ARHGEF28: variants seen among roughly 807,000 people sequenced by gnomAD.
ARHGEF28 encodes the protein Rho guanine nucleotide exchange factor 28.
Under a neutral mutation model 206.6 loss-of-function variants are expected in ARHGEF28, and 152 were observed. The observed-to-expected ratio is 0.74, with a 90% confidence interval of 0.64 to 0.84. ARHGEF28 has a LOEUF of 0.84. Among genes scored for constraint, ARHGEF28 ranks in the 40% least tolerant of loss-of-function variants. ARHGEF28 has a pLI of 0.00. For synonymous variants in ARHGEF28, 763 were observed against 776.4 expected, an observed-to-expected ratio of 0.98 and a Z score of 0.29; for missense variants, 2,028 against 2,073.2, an observed-to-expected ratio of 0.98 and a Z score of 0.42.
intron 1 of ARHGEF28, among the ~76,000 whole-genome samples, chr5:73,671,249 A>C (rs1746283918): frequency 6.6e-6 from 1 of 152,194 alleles, no homozygotes. Context: ...TGTAGCTTAC[A>C]AAAGTAAGAG....
chr5:73,922,978 A>T, intron 35 of ARHGEF28: 1 of 1,035,878 alleles, frequency 9.7e-7, no homozygotes, highest in Non-Finnish European at 1.4e-6. Flanking sequence ...AATGCAAAGT[A>T]CTTTTCATTG....
chr5:73,689,396 G>A (rs1233763222), intron 2 of ARHGEF28, among the ~76,000 whole-genome samples: 1 of 152,092 alleles, frequency 6.6e-6, no homozygotes, highest in East Asian at 1.9e-4. Context: ...AGGCTGGAGT[G>A]CACTGGCATG....
At chr5:73,735,807 A>G (rs1308233939) in intron 2 of ARHGEF28, among the ~76,000 whole-genome samples, 5 of 152,196 alleles carry the variant, frequency 3.3e-5, no homozygotes, top group Non-Finnish European at 7.3e-5. Context: ...CAGGAATCAC[A>G]GCCTGGCGAT....
chr5:73,710,796 G>C (rs572063065), intron 2 of ARHGEF28, among the ~76,000 whole-genome samples: 4 of 152,050 alleles, frequency 2.6e-5, no homozygotes, highest in African/African-American at 9.7e-5. Context: ...TCTGCCTCGC[G>C]GGTTCAAGTG....
chr5:73,731,553 A>G (rs1004581294), intron 2 of ARHGEF28, among the ~76,000 whole-genome samples: 1 of 152,174 alleles, frequency 6.6e-6, no homozygotes, highest in Non-Finnish European at 1.5e-5. Context: ...ACCCATAATT[A>G]CTGTGTGGCC....
rs576163553 is a variant in ARHGEF28 at position 73,694,472 on chromosome 5, A to G, written c.33+9588A>G. 4.6e-5 allele frequency among the ~76,000 whole-genome samples: 7 copies of G among 152,304 alleles called. No homozygotes were observed. In the South Asian group the frequency reaches 1.2e-3, roughly 27 times the overall value. ...GTAGCCGATATTTTTGTTCTGTTTG[A>G]GTTTTTAAAATGTTTTACCATCTAA... On this transcript the variant is annotated intron_variant, in intron 2 of 35. Transcript: ENST00000513042.
At chr5:73,813,469 T>A in intron 9 of ARHGEF28, 1 of 1,466,346 alleles carries the variant, frequency 6.8e-7, no homozygotes. Context: ...AGGAGCTATT[T>A]CATCCAATCT....
At chr5:73,708,268 C>T (rs1442503004) in intron 2 of ARHGEF28, among the ~76,000 whole-genome samples, 1 of 151,614 alleles carries the variant, frequency 6.6e-6, no homozygotes, top group Admixed American at 6.6e-5. Context: ...TTGCATGATG[C>T]TGAAGTTTGG....
At chr5:73,878,123 G>A (rs1281032602) in intron 22 of ARHGEF28, among the ~76,000 whole-genome samples, 3 of 151,906 alleles carry the variant, frequency 2.0e-5, no homozygotes, top group African/African-American at 7.3e-5. Context: ...TTGGGTGCAT[G>A]TATATTTAGG....
At chr5:73,765,361 A>G (rs892419340) in intron 4 of ARHGEF28, among the ~76,000 whole-genome samples, 1 of 152,218 alleles carries the variant, frequency 6.6e-6, no homozygotes, top group Non-Finnish European at 1.5e-5. Flanking sequence ...TTCCTGGGCT[A>G]GGCCATATGC....
chr5:73,834,542 C>CTCTGTGTGTGTGTGTGTGTGTGTGTGTG (rs1455818141), intron 10 of ARHGEF28, among the ~76,000 whole-genome samples: 2 of 146,214 alleles, frequency 1.4e-5, no homozygotes, highest in African/African-American at 5.1e-5. Flanking sequence ...AATAATATTC[C>CTCTGTGTGTGTGTGTGTGTGTGTGTGTG]TGTGTGTGTG....
At chr5:73,683,531 G>A (rs954025310) in intron 1 of ARHGEF28, among the ~76,000 whole-genome samples, 1 of 151,790 alleles carries the variant, frequency 6.6e-6, no homozygotes, top group African/African-American at 2.4e-5. Flanking sequence ...AGCATGTGTT[G>A]GAATTGTATT....
chr5:73,902,464 T>C (rs1006049708), intron 31 of ARHGEF28: 5 of 152,180 alleles, frequency 3.3e-5, no homozygotes, highest in African/African-American at 1.2e-4. Flanking sequence ...AGGTAGATAA[T>C]TGAGGTTAAG....
In ARHGEF28 at chr5:73,780,726, C is replaced by A. The variant is rs780509291; in HGVS notation, c.891C>A (p.Ser297Arg). ...RPEERTAMPS[S>R]GAETEEEIKN... Reference sequence around the variant, plus strand: ...AGGAAAGAACAGCTATGCCCTCCAGCGGTGCAGAAACTGAAGAAGGTACGC... The same window carrying A: ...AGGAAAGAACAGCTATGCCCTCCAGAGGTGCAGAAACTGAAGAAGGTACGC... Residue 297 changes from serine to arginine, a missense_variant, in exon 7 of 36, where the codon AGC becomes AGA. Around this residue, in one of 3 missense-constraint regions of ARHGEF28, gnomAD observed 1,002 missense variants for 1,015.3 expected, o/e 0.99. Coordinates refer to ENST00000513042, the MANE Select transcript of ARHGEF28 (RefSeq NM_001177693.2). 41 of 1,558,784 alleles carry A rather than the reference C, an allele frequency of 2.6e-5. No homozygotes were observed. Among genetic ancestry groups the A allele is most frequent in the Non-Finnish European group, 3.5e-5 (40 of 1,151,122 alleles).
chr5:73,880,201 G>A (rs549176717), intron 22 of ARHGEF28, among the ~76,000 whole-genome samples: 5 of 152,292 alleles, frequency 3.3e-5, no homozygotes, highest in African/African-American at 1.2e-4. Context: ...AGCAATCAGC[G>A]AGACTCCGTG....
intron 34 of ARHGEF28, 126 bp downstream of exon 34, chr5:73,910,023 C>G: frequency 7.5e-7 from 1 of 1,334,832 alleles, no homozygotes; most frequent in Non-Finnish European, 9.6e-7. Context: ...GAGGATTTTT[C>G]AATTTGTAGG....
rs139026742 is a variant in ARHGEF28 at position 73,848,140 on chromosome 5, C to T, written c.1636-836C>T. On this transcript the variant is annotated intron_variant, in intron 12 of 35. Coordinates refer to ENST00000513042, the MANE Select transcript of ARHGEF28 (RefSeq NM_001177693.2). ...TAAAAATGCATGGGCAGGATCAGTCCTAAGGGCTTTATAGGATAGAAGTTG... is the reference window on the plus strand; with the variant it reads ...TAAAAATGCATGGGCAGGATCAGTCTTAAGGGCTTTATAGGATAGAAGTTG... 3.9e-4 allele frequency among the ~76,000 whole-genome samples: 60 copies of T among 152,254 alleles called. No homozygotes were observed. In the East Asian group the frequency reaches 9.6e-3, roughly 24 times the overall value.
chr5:73,939,769 G>C (rs760691063), intron 35 of ARHGEF28, among the ~76,000 whole-genome samples: 2 of 152,214 alleles, frequency 1.3e-5, no homozygotes, highest in African/African-American at 4.8e-5. Context: ...GAGGGCAAAG[G>C]CCACAAGCAT....
chr5:73,882,636 T>C, intron 23 of ARHGEF28, 42 bp downstream of exon 23: 6 of 1,414,778 alleles, frequency 4.2e-6, no homozygotes, highest in South Asian at 1.4e-5. Flanking sequence ...TAAATCAGCA[T>C]GGAGAAATAG....
Sources: gnomAD v4.1 joint callset for allele counts (sites outside exome capture counted in the v4.1 genomes callset) on GRCh38, gnomAD v4.1.1 for gene constraint, gnomAD v4.1.1 regional missense constraint, MANE v1.5 for transcripts, NCBI Gene and HGNC (gene_info 2026-07-23, HGNC 2026-07-21) for gene names.